MDGA2: variants seen among roughly 807,000 people sequenced by gnomAD.
MDGA2 encodes MAM domain containing glycosylphosphatidylinositol anchor 2, also known as MAM domain-containing glycosylphosphatidylinositol anchor protein 2.
Under a neutral mutation model 117.8 loss-of-function variants are expected in MDGA2, and 40 were observed. The ratio of observed to expected loss-of-function variants is 0.34; its 90% CI spans 0.26 to 0.44. The LOEUF is 0.44. MDGA2 is among the 20% of genes least tolerant of loss of function. The pLI, the probability that MDGA2 is intolerant of heterozygous loss-of-function variation, is 1.00. For missense variants in MDGA2, 1,123 were observed against 1,250.6 expected, an observed-to-expected ratio of 0.90 and a Z score of 1.54; for synonymous variants, 452 against 439.0, an observed-to-expected ratio of 1.03 and a Z score of -0.37.
intron 9 of MDGA2, among the ~76,000 whole-genome samples, chr14:46,941,084 G>T (rs1394183143): frequency 6.6e-6 from 1 of 152,164 alleles, no homozygotes; most frequent in Admixed American, 6.6e-5. Context: ...ACAAGAAAAA[G>T]AATAGAGCAC....
chr14:47,121,767 C>CT (rs1252931412), intron 5 of MDGA2, among the ~76,000 whole-genome samples: 2 of 152,048 alleles, frequency 1.3e-5, no homozygotes, highest in Non-Finnish European at 2.9e-5. Context: ...AGAACAGTGG[C>CT]TAGGTATGCA....
intron 5 of MDGA2, among the ~76,000 whole-genome samples, chr14:47,098,372 T>C (rs550154631): frequency 2.0e-5 from 3 of 151,910 alleles, no homozygotes; most frequent in African/African-American, 4.8e-5. Context: ...ATGTTTCATG[T>C]TGAGTCTTCT....
chr14:46,959,255 G>A (rs796825642), intron 8 of MDGA2, among the ~76,000 whole-genome samples: 173 of 1,910 alleles, frequency 0.091, 2 homozygotes, highest in African/African-American at 0.42. Context: ...CTATATATGT[G>A]TGTGTGTGTG....
intron 1 of MDGA2, among the ~76,000 whole-genome samples, chr14:47,362,218 A>C (rs977335046): frequency 2.0e-5 from 3 of 152,148 alleles, no homozygotes; most frequent in African/African-American, 4.8e-5. Flanking sequence ...ATCTTCATGG[A>C]TTTTGAAGTA....
intron 14 of MDGA2, among the ~76,000 whole-genome samples, chr14:46,862,892 A>G (rs1881569595): frequency 6.6e-6 from 1 of 152,110 alleles, no homozygotes; most frequent in Non-Finnish European, 1.5e-5. Context: ...TTTTCAACAT[A>G]TAATTGCAGT....
At chr14:46,867,361 C>G (rs1050898577) in intron 14 of MDGA2, among the ~76,000 whole-genome samples, 5 of 151,406 alleles carry the variant, frequency 3.3e-5, no homozygotes, top group South Asian at 4.2e-4. Flanking sequence ...ATGGACACAG[C>G]AAGGGGAACA....
intron 2 of MDGA2, chr14:47,299,479 G>A (rs906128486): frequency 6.6e-6 from 1 of 152,084 alleles, no homozygotes; most frequent in Non-Finnish European, 1.5e-5. Flanking sequence ...GCTTCTTTTG[G>A]ATGTGTTTAG....
At chr14:47,626,660 C>G (rs1377666825) in intron 1 of MDGA2, 1 of 152,578 alleles carries the variant, frequency 6.6e-6, no homozygotes, top group Non-Finnish European at 1.5e-5. Flanking sequence ...AGCGGCCGGC[C>G]AGCCCCGTCG....
chr14:47,587,604 G>A (rs1360595854), intron 1 of MDGA2, among the ~76,000 whole-genome samples: 1 of 151,772 alleles, frequency 6.6e-6, no homozygotes, highest in Non-Finnish European at 1.5e-5. Context: ...ATAACAACCC[G>A]AGTCATGTTG....
chr14:46,847,753 A>T (rs931747744), intron 15 of MDGA2, among the ~76,000 whole-genome samples: 2 of 152,030 alleles, frequency 1.3e-5, no homozygotes, highest in Admixed American at 1.3e-4. Context: ...AGACATTAAA[A>T]CTATTGTCTC....
intron 1 of MDGA2, among the ~76,000 whole-genome samples, chr14:47,490,503 T>C (rs1894146432): frequency 6.6e-6 from 1 of 152,092 alleles, no homozygotes; most frequent in African/African-American, 2.4e-5. Flanking sequence ...AAGATTCATT[T>C]TGAAATCAAA....
At chr14:46,857,544 T>A (rs1219269565) in intron 14 of MDGA2, among the ~76,000 whole-genome samples, 1 of 149,914 alleles carries the variant, frequency 6.7e-6, no homozygotes, top group East Asian at 2.0e-4. Context: ...TTTGCAGTAG[T>A]TGATTGTGAT....
chr14:47,151,576 ATT>A (rs962049317), intron 3 of MDGA2, among the ~76,000 whole-genome samples: 8 of 152,194 alleles, frequency 5.3e-5, no homozygotes, highest in Non-Finnish European at 2.9e-5. Context: ...CTCTTCTGTT[ATT>A]GTTATTTTAT....
intron 2 of MDGA2, among the ~76,000 whole-genome samples, chr14:47,267,180 C>T (rs1164944241): frequency 6.6e-6 from 1 of 151,990 alleles, no homozygotes; most frequent in Non-Finnish European, 1.5e-5. Context: ...ACAGTAAAAG[C>T]TATTTTGACC....
chr14:47,438,318 C>T (rs546014175), intron 1 of MDGA2, among the ~76,000 whole-genome samples: 21 of 152,218 alleles, frequency 1.4e-4, no homozygotes, highest in Admixed American at 5.2e-4. Context: ...CAACAGCATA[C>T]CGAAAGTTAC....
chr14:47,000,637 C>A (rs907867981), intron 8 of MDGA2, among the ~76,000 whole-genome samples: 1 of 150,974 alleles, frequency 6.6e-6, no homozygotes. Flanking sequence ...TTTTTGAGAT[C>A]TTTTAGGCCT....
intron 3 of MDGA2, among the ~76,000 whole-genome samples, chr14:47,186,445 AAT>A (rs1172034402): frequency 1.3e-5 from 2 of 151,882 alleles, no homozygotes; most frequent in Non-Finnish European, 3.0e-5. Flanking sequence ...ATTATTTTCA[AAT>A]AATCACAAAT....
chr14:47,341,559 T>C (rs532211346), intron 1 of MDGA2, among the ~76,000 whole-genome samples: 8 of 152,262 alleles, frequency 5.3e-5, no homozygotes, highest in Admixed American at 3.3e-4. Flanking sequence ...AATCTGAAAA[T>C]AGGAAGTTAC....
intron 1 of MDGA2, among the ~76,000 whole-genome samples, chr14:47,547,093 T>C (rs1191691237): frequency 1.3e-5 from 2 of 152,212 alleles, no homozygotes; most frequent in East Asian, 3.8e-4. Flanking sequence ...GTGTCTCACA[T>C]GAATTACCAA....
Sources: gnomAD v4.1 joint callset for allele counts (sites outside exome capture counted in the v4.1 genomes callset) on GRCh38, gnomAD v4.1.1 for gene constraint, MANE v1.5 for transcripts, NCBI Gene and HGNC (gene_info 2026-07-23, HGNC 2026-07-21) for gene names.